The following DOK7 variants were observed in gnomAD, a reference collection of about 807,000 sequenced individuals.
DOK7 encodes the protein docking protein 7, also known as protein Dok-7.
DOK7 carries 32 observed loss-of-function variants against 30.7 expected under a neutral mutation model. The observed-to-expected ratio is 1.04, with a 90% CI of 0.79 to 1.40. The LOEUF is 1.40. Among genes scored for constraint, DOK7 ranks in the 40% most tolerant of loss-of-function variants. The pLI is 0.00. For synonymous variants in DOK7, 447 were observed against 324.1 expected, an observed-to-expected ratio of 1.38 and a Z score of -4.07; for missense variants, 1,007 against 699.2, an observed-to-expected ratio of 1.44 and a Z score of -4.97.
chr4:3,476,526 G>T lies in DOK7; in HGVS notation c.516G>T (p.Gly172=). 5.6e-6 allele frequency: 9 copies of T among 1,613,952 alleles called. No homozygotes were observed. Among genetic ancestry groups the T allele is most frequent in the Non-Finnish European group, 6.8e-6 (8 of 1,180,042 alleles). The change falls in exon 4 of 7, where the codon GGG becomes GGT. Residue 172 remains glycine (G), a synonymous_variant. Coordinates refer to ENST00000340083, the MANE Select transcript of DOK7 (RefSeq NM_173660.5). Reference sequence around the variant, plus strand: ...CAAGCGGATTCATCTTTGAAGGCGGGACCAGGTGTGGGTACTGTAAGTACG... The same window carrying T: ...CAAGCGGATTCATCTTTGAAGGCGGTACCAGGTGTGGGTACTGTAAGTACG... ...AVPSGFIFEG[G]TRCGYWAGVF... is the part of the protein sequence containing the mutation.
In DOK7 at chr4:3,493,549, C is replaced by T. The variant is rs1560235107; in HGVS notation, c.*48C>T. 4.4e-6 allele frequency: 7 copies of T among 1,593,934 alleles called. No homozygotes were observed. The highest frequency in any genetic ancestry group is 2.7e-5 in the African/African-American group (2 of 74,376). On this transcript the variant is annotated 3_prime_UTR_variant, in exon 7 of 7. Coordinates refer to ENST00000340083, the MANE Select transcript of DOK7 (RefSeq NM_173660.5). ...GCTGCAAAGGGGCTGAATTTGCCCC[C>T]AGATGGCAGAGGAAGTGGCGCCAGC...
chr4:3,464,061 C>A (rs370151085), intron 2 of DOK7, among the ~76,000 whole-genome samples: 5,346 of 150,308 alleles, frequency 0.036, 135 homozygotes, highest in Non-Finnish European at 0.052. Flanking sequence ...GGTCCCCCCC[C>A]AGTCCCCGCC....
chr4:3,468,865 G>T (rs1726539083), intron 2 of DOK7, among the ~76,000 whole-genome samples: 1 of 143,432 alleles, frequency 7.0e-6, no homozygotes, highest in Non-Finnish European at 1.5e-5. Context: ...GTATGAGTGT[G>T]CATGCCTGTG....
chr4:3,495,598 T>TC (rs1053175585), downstream of DOK7, among the ~76,000 whole-genome samples: 1 of 152,214 alleles, frequency 6.6e-6, no homozygotes, highest in Non-Finnish European at 1.5e-5. Flanking sequence ...GCCCAGGGTC[T>TC]CCAGCCTCAG....
chr4:3,467,395 G>A (rs1726357896), intron 2 of DOK7, among the ~76,000 whole-genome samples: 1 of 150,582 alleles, frequency 6.6e-6, no homozygotes, highest in South Asian at 2.1e-4. Flanking sequence ...AACTGCCTGT[G>A]TGCATCGCCG....
downstream of DOK7, among the ~76,000 whole-genome samples, chr4:3,498,017 G>A (rs1477523712): frequency 3.3e-5 from 5 of 152,196 alleles, no homozygotes; most frequent in African/African-American, 9.6e-5. Flanking sequence ...TCTGCTGGAG[G>A]ATGTGAATCT....
At chr4:3,471,191 C>A (rs965360173) in intron 2 of DOK7, among the ~76,000 whole-genome samples, 4 of 152,228 alleles carry the variant, frequency 2.6e-5, no homozygotes, top group African/African-American at 7.2e-5. Flanking sequence ...CAGATGTGTA[C>A]CTGAATATGC....
chr4:3,488,766 C>T (rs1028582776), intron 5 of DOK7, among the ~76,000 whole-genome samples: 5 of 151,652 alleles, frequency 3.3e-5, no homozygotes, highest in East Asian at 3.9e-4. Context: ...AGGACGGGGT[C>T]GGTTTGCTCT....
chr4:3,494,567 C>T (rs186937663), downstream of DOK7: 206 of 969,612 alleles, frequency 2.1e-4, 1 homozygote, highest in Middle Eastern at 1.6e-3. Flanking sequence ...GCGAAGTCCC[C>T]GGGCCCGGCT....
intron 5 of DOK7, among the ~76,000 whole-genome samples, chr4:3,486,975 A>G (rs956164811): frequency 2.0e-5 from 3 of 151,992 alleles, no homozygotes; most frequent in African/African-American, 7.3e-5. Flanking sequence ...GATGCCAGGG[A>G]GGGTTTGCCT....
rs1309526951 is a variant in DOK7, at chr4:3,476,165, TCTCGCCCCGCC to T, written c.332-175_332-165del. On this transcript the variant is annotated intron_variant, in intron 3 of 6. Coordinates refer to ENST00000340083, the MANE Select transcript of DOK7 (RefSeq NM_173660.5). ...CTCGCCCCGCCTGACCGTGATGCCC[TCTCGCCCCGCC>T]CACCCTCGATGCCCTCTCACCTCAC... 7.2e-3 allele frequency among the ~76,000 whole-genome samples: 680 copies of T among 93,936 alleles called. 8 individuals carry two copies. Among genetic ancestry groups the T allele is most frequent in the Middle Eastern group, 0.014 (2 of 144 alleles). 61.6% of individuals were successfully genotyped at this position (93,936 alleles called of 152,430 possible). A position where few individuals can be genotyped will look rare whatever the true frequency, so the allele number is the denominator to read the frequency against.
intron 4 of DOK7, among the ~76,000 whole-genome samples, chr4:3,483,421 C>T (rs953071582): frequency 2.6e-5 from 4 of 152,096 alleles, no homozygotes; most frequent in African/African-American, 9.7e-5. Flanking sequence ...TGGCCCAAGA[C>T]CTTGGCAGAC....
rs1042098199 is a variant in DOK7, at chr4:3,481,436, G to A, written c.533-4103G>A. ...TGGACAAGGGGAGGAGGGCCGGCCC[G>A]GGAAGGGGGGGCCTTCTAGAGTGGT... is the stretch of plus-strand genomic sequence containing the variant. On this transcript the variant is annotated intron_variant, in intron 4 of 6. Transcript: ENST00000340083. 8.8e-5 allele frequency among the ~76,000 whole-genome samples: 13 copies of A among 148,168 alleles called. 1 individual carries two copies. The highest frequency in any genetic ancestry group is 5.4e-4 in the Admixed American group (8 of 14,870).
At position 3,477,612 on chromosome 4, in the gene DOK7, C is replaced by T. The variant is rs78297447; in HGVS notation, c.532+1070C>T. Among the ~76,000 whole-genome samples, 468 of 152,340 alleles carry T rather than the reference C, an allele frequency of 3.1e-3. 3 individuals are homozygous for T. Among genetic ancestry groups the T allele is most frequent in the African/African-American group, 0.011 (449 of 41,574 alleles). Reference sequence around the variant, plus strand: ...GGCCTTTGAGGAGACGACATCTGACCCTTGAAAGGGGAACAGGGCAGTGAG... The same window carrying T: ...GGCCTTTGAGGAGACGACATCTGACTCTTGAAAGGGGAACAGGGCAGTGAG... On this transcript the variant is annotated intron_variant, in intron 4 of 6. Coordinates refer to ENST00000340083, the MANE Select transcript of DOK7 (RefSeq NM_173660.5).
Position 3,477,828 on chromosome 4 carries a change from C to T in DOK7, c.532+1286C>T, listed in dbSNP as rs567324097. Among the ~76,000 whole-genome samples, 10 of 19,962 alleles carry T rather than the reference C, an allele frequency of 5.0e-4. No individual in the cohort carries two copies. In the South Asian group the frequency reaches 0.011, roughly 21 times the overall value. 13.1% of individuals were successfully genotyped at this position (19,962 alleles called of 152,430 possible). ...TGCCTATGCCAGCTGTGAGCTGGTG[C>T]GGGGGGTGGGGTGGGGGGTGGTTCC... is the stretch of plus-strand genomic sequence containing the variant. On this transcript the variant is annotated intron_variant, in intron 4 of 6. Transcript: ENST00000340083.
chr4:3,492,814 C>G lies in DOK7; in HGVS notation c.828C>G (p.Ser276Arg), dbSNP rs772682276. The change falls in exon 7 of 7, where the codon AGC becomes AGG. Residue 276 changes from serine (S) to arginine (R), a missense_variant. By Grantham distance (110) the Ser-to-Arg change is moderately radical. Transcript: ENST00000340083. ...CAGAGGCCAGTCACTTGGACGTCAG[C>G]GCCAGCAGCCGGCTCACCGCATGGC... is the stretch of plus-strand genomic sequence containing the variant. ...SSSEASHLDV[S>R]ASSRLTAWPE... 3 of 1,612,636 alleles carry G rather than the reference C, an allele frequency of 1.9e-6. No individual in the cohort carries two copies. The South Asian group carries it at 3.3e-5, about 18-fold the overall frequency.
chr4:3,501,122 A>G lies in DOK7; in HGVS notation c.*297A>G, dbSNP rs2858017. 268,020 of 452,876 alleles carry G rather than the reference A, an allele frequency of 0.59. 82,593 individuals are homozygous for G. Among genetic ancestry groups the G allele is most frequent in the East Asian group, 0.93 (23,962 of 25,876 alleles). The allele number at this position is 452,876 out of a possible 1,614,324, so 28.1% of individuals were successfully genotyped here. On this transcript the variant is annotated 3_prime_UTR_variant, in exon 8 of 8. Coordinates refer to the DOK7 transcript ENST00000643608. ...AGGCAGCTCTGGTAGCTGCTGTGGC[A>G]TCTCAGGCAGAGGCTGCTGCCCAGG...
At chr4:3,498,467 G>A (rs989611331), downstream of DOK7, among the ~76,000 whole-genome samples, 1 of 152,200 alleles carries the variant, frequency 6.6e-6, no homozygotes, top group African/African-American at 2.4e-5. Flanking sequence ...TTGGAAGAAC[G>A]GATGCAATCC....
At chr4:3,486,427 C>G (rs553165669) in intron 5 of DOK7, among the ~76,000 whole-genome samples, 1 of 152,362 alleles carries the variant, frequency 6.6e-6, no homozygotes, top group South Asian at 2.1e-4. Context: ...AGCAAGCTCA[C>G]ATGTGGCGCC....
Sources: gnomAD v4.1 joint callset for allele counts (sites outside exome capture counted in the v4.1 genomes callset) on GRCh38, gnomAD v4.1.1 for gene constraint, MANE v1.5 for transcripts, NCBI Gene and HGNC (gene_info 2026-07-23, HGNC 2026-07-21) for gene names.